The following POTEM variants were observed in gnomAD, a reference collection of about 807,000 sequenced individuals.
POTEM encodes the protein putative POTE ankyrin domain family member M.
For synonymous variants in POTEM, 8 were observed against 113.2 expected, an observed-to-expected ratio of 0.07 and a Z score of 5.90; for missense variants, 24 against 343.0, an observed-to-expected ratio of 0.07 and a Z score of 7.35.
At chr14:18,979,955 ACTGTTAAGTT>A in intron 5 of POTEM, 109 bp from the exon 6 acceptor site, 1 of 1,409,594 alleles carries the variant, frequency 7.1e-7, no homozygotes, top group South Asian at 1.3e-5. Context: ...ATGGGATAAT[ACTGTTAAGTT>A]CTGATATTCT....
At chr14:18,991,000 C>G (rs1304257146) in intron 9 of POTEM, among the ~76,000 whole-genome samples, 1 of 53,030 alleles carries the variant, frequency 1.9e-5, no homozygotes, top group Non-Finnish European at 4.1e-5. Flanking sequence ...TCTCCTGCCT[C>G]AGCCTCCTGA....
At chr14:18,987,657 T>A (rs1891212343) in intron 8 of POTEM, among the ~76,000 whole-genome samples, 1 of 147,230 alleles carries the variant, frequency 6.8e-6, no homozygotes. Context: ...CTGCTCCTTA[T>A]GTTGTGGGAA....
chr14:18,986,753 A>T (rs1283247276), intron 7 of POTEM, among the ~76,000 whole-genome samples: 1 of 146,420 alleles, frequency 6.8e-6, no homozygotes, highest in Non-Finnish European at 1.5e-5. Flanking sequence ...GTAGGGGCTC[A>T]CTAGTTAGGG....
chr14:18,986,367 G>A (rs1236491691), intron 7 of POTEM, among the ~76,000 whole-genome samples: 2 of 139,974 alleles, frequency 1.4e-5, no homozygotes, highest in African/African-American at 5.8e-5. Context: ...GTCTCTCATT[G>A]ACCTCAGTGT....
rs1213926564 is a variant in POTEM at position 18,999,550 on chromosome 14, C to T, written c.*885C>T. ...GCCCTGGACTTCGAGCAGGAGATGG[C>T]CACAGCGGCCTCCAGCTCCTCCCTA... On this transcript the variant is annotated 3_prime_UTR_variant, in exon 11 of 11. Transcript: ENST00000547889. 1.2e-4 allele frequency among the ~76,000 whole-genome samples: 12 copies of T among 96,844 alleles called. No individual in the cohort carries two copies. Among genetic ancestry groups the T allele is most frequent in the African/African-American group, 4.3e-4 (12 of 28,026 alleles). 63.5% of individuals were successfully genotyped at this position (96,844 alleles called of 152,430 possible).
At chr14:18,991,211 G>A (rs1434323322) in intron 9 of POTEM, among the ~76,000 whole-genome samples, 1 of 119,454 alleles carries the variant, frequency 8.4e-6, no homozygotes, top group Non-Finnish European at 2.0e-5. Flanking sequence ...CTGTATATAT[G>A]CTAGTGATTT....
chr14:18,969,383 A>ACATGTATATATATGT (rs1890858160), intron 1 of POTEM, among the ~76,000 whole-genome samples: 1 of 73,592 alleles, frequency 1.4e-5, no homozygotes. Context: ...ATATATACAC[A>ACATGTATATATATGT]AAATTTCTTT....
Position 18,999,460 on chromosome 14 carries a change from A to G in POTEM, c.*795A>G, listed in dbSNP as rs75597080. 0.04 allele frequency among the ~76,000 whole-genome samples: 4,049 copies of G among 101,022 alleles called. 458 individuals are homozygous for G. Among genetic ancestry groups the G allele is most frequent in the African/African-American group, 0.064 (1,956 of 30,474 alleles). 66.3% of individuals were successfully genotyped at this position (101,022 alleles called of 152,430 possible). ...ATGAAGATCCTCACCGAGCGTGGCT[A>G]TAGTTTCACCACCATGGCCGAGCAG... On this transcript the variant is annotated 3_prime_UTR_variant, in exon 11 of 11. Transcript: ENST00000547889.
Position 19,002,772 on chromosome 14 carries a change from C to T in POTEM, c.*4107C>T, listed in dbSNP as rs1891407534. ...CGGCCACGCACCAGCCTGCACATTA[C>T]CTCTCCATACTGCAGCCCTTTATAT... On this transcript the variant is annotated 3_prime_UTR_variant, in exon 11 of 11. Coordinates refer to ENST00000547889, the MANE Select transcript of POTEM (RefSeq NM_001145442.1). Among the ~76,000 whole-genome samples the T allele has an allele frequency of 6.6e-6, 1 of 152,286 alleles. No homozygotes were observed. Among genetic ancestry groups the T allele is most frequent in the Non-Finnish European group, 1.5e-5 (1 of 68,048 alleles).
intron 1 of POTEM, among the ~76,000 whole-genome samples, chr14:18,971,925 C>CA (rs1890883828): frequency 1.0e-5 from 1 of 99,116 alleles, no homozygotes; most frequent in South Asian, 3.5e-4. Context: ...TATTGAAAAC[C>CA]AAAGTAAGAA....
intron 1 of POTEM, among the ~76,000 whole-genome samples, chr14:18,969,282 T>C (rs1378277366): frequency 1.5e-5 from 2 of 130,822 alleles, no homozygotes; most frequent in East Asian, 2.1e-4. Flanking sequence ...CAGATATATA[T>C]ACACATGTAT....
At chr14:18,969,132 A>G (rs1890836641) in intron 1 of POTEM, among the ~76,000 whole-genome samples, 2 of 140,332 alleles carry the variant, frequency 1.4e-5, no homozygotes, top group African/African-American at 5.6e-5. Flanking sequence ...TTATTTAAAA[A>G]AGATGGATTG....
chr14:18,981,390 TATC>T (rs1304286019), intron 6 of POTEM, among the ~76,000 whole-genome samples: 1 of 76,676 alleles, frequency 1.3e-5, no homozygotes, highest in Non-Finnish European at 3.6e-5. Context: ...AGCTTGTTAT[TATC>T]ATTGTCATTT....
At chr14:18,985,756 T>A (rs1376348483) in intron 7 of POTEM, among the ~76,000 whole-genome samples, 26 of 142,066 alleles carry the variant, frequency 1.8e-4, no homozygotes, top group African/African-American at 6.1e-4. Flanking sequence ...ATACAAAAAC[T>A]TAGCCGGGTG....
chr14:18,982,862 T>C (rs1359646184), intron 6 of POTEM, among the ~76,000 whole-genome samples: 4 of 56,246 alleles, frequency 7.1e-5, no homozygotes, highest in Non-Finnish European at 1.1e-4. Context: ...AGCCATTTTG[T>C]AAATGTTCAT....
chr14:18,996,401 C>G (rs1232966720), intron 9 of POTEM, among the ~76,000 whole-genome samples: 1 of 138,340 alleles, frequency 7.2e-6, no homozygotes, highest in South Asian at 2.4e-4. Context: ...GGCCATAGAC[C>G]AGTACCAGTC....
chr14:18,991,209 A>G (rs2138966664), intron 9 of POTEM, among the ~76,000 whole-genome samples: 1 of 119,954 alleles, frequency 8.3e-6, no homozygotes, highest in African/African-American at 2.7e-5. Context: ...TACTGTATAT[A>G]TGCTAGTGAT....
At chr14:18,969,446 G>A (rs1278231716) in intron 1 of POTEM, among the ~76,000 whole-genome samples, 5 of 109,566 alleles carry the variant, frequency 4.6e-5, no homozygotes, top group South Asian at 3.3e-4. Flanking sequence ...GCAGTGGTGC[G>A]ATCTCGGCTC....
At chr14:18,976,637 T>C (rs1890960582) in intron 4 of POTEM, among the ~76,000 whole-genome samples, 2 of 31,556 alleles carry the variant, frequency 6.3e-5, no homozygotes, top group Non-Finnish European at 1.3e-4. Flanking sequence ...TGCATGACAA[T>C]TAATTGCTGT....
Sources: gnomAD v4.1 joint callset for allele counts (sites outside exome capture counted in the v4.1 genomes callset) on GRCh38, gnomAD v4.1.1 for gene constraint, MANE v1.5 for transcripts, NCBI Gene and HGNC (gene_info 2026-07-23, HGNC 2026-07-21) for gene names.